GNG2: variants seen among roughly 807,000 people sequenced by gnomAD.
The protein encoded by GNG2 is guanine nucleotide-binding protein G(I)/G(S)/G(O) subunit gamma-2.
GNG2 carries 5 observed loss-of-function variants against 5.5 expected under a neutral mutation model. The ratio of observed to expected loss-of-function variants is 0.91; its 90% CI spans 0.48 to 1.92. The LOEUF (loss-of-function observed/expected upper bound fraction) is 1.92. Among genes scored for constraint, GNG2 ranks in the 30% most tolerant of loss-of-function variants. The pLI, the probability that GNG2 is intolerant of heterozygous loss-of-function variation, is 0.01. For missense variants in GNG2, 55 were observed against 88.4 expected, an observed-to-expected ratio of 0.62 and a Z score of 1.52; for synonymous variants, 28 against 32.0, an observed-to-expected ratio of 0.88 and a Z score of 0.42.
chr14:51,919,316 A>C (rs1030453101), intron 2 of GNG2, among the ~76,000 whole-genome samples: 4 of 152,226 alleles, frequency 2.6e-5, no homozygotes, highest in Admixed American at 1.3e-4. Context: ...TTAATGCAAT[A>C]ATGTGAAAAC....
intron 1 of GNG2, among the ~76,000 whole-genome samples, chr14:51,862,626 A>T (rs958058620): frequency 6.6e-6 from 1 of 152,278 alleles, no homozygotes; most frequent in African/African-American, 2.4e-5. Context: ...AATCTGCATT[A>T]GTCTTCTGTG....
At chr14:51,902,684 G>A (rs1885644832) in intron 2 of GNG2, among the ~76,000 whole-genome samples, 1 of 152,154 alleles carries the variant, frequency 6.6e-6, no homozygotes, top group African/African-American at 2.4e-5. Context: ...TTGAATCCAA[G>A]AGTTCAAGAC....
chr14:51,959,023 C>T (rs959393784), intron 3 of GNG2, among the ~76,000 whole-genome samples: 1 of 152,164 alleles, frequency 6.6e-6, no homozygotes, highest in Non-Finnish European at 1.5e-5. Context: ...ATTGATGACT[C>T]ATTGTGCCTT....
chr14:51,959,626 A>G (rs574731959), intron 3 of GNG2, among the ~76,000 whole-genome samples: 1 of 152,272 alleles, frequency 6.6e-6, no homozygotes, highest in South Asian at 2.1e-4. Context: ...CTTGACTCCC[A>G]TAGAGTACTG....
At chr14:51,896,704 A>AT (rs1293268027) in intron 2 of GNG2, among the ~76,000 whole-genome samples, 1 of 152,210 alleles carries the variant, frequency 6.6e-6, no homozygotes, top group East Asian at 1.9e-4. Flanking sequence ...AAGGTGCTTA[A>AT]TTAATAACTA....
intron 1 of GNG2, among the ~76,000 whole-genome samples, chr14:51,875,757 A>G (rs1883613054): frequency 6.6e-6 from 1 of 150,752 alleles, no homozygotes; most frequent in African/African-American, 2.4e-5. Context: ...TTGAGTTCAC[A>G]CTATATATAA....
chr14:51,856,253 C>A (rs1352507885), upstream of GNG2, among the ~76,000 whole-genome samples: 1 of 151,758 alleles, frequency 6.6e-6, no homozygotes, highest in Non-Finnish European at 1.5e-5. Context: ...TACAGCATTG[C>A]AGAGAGATTA....
At chr14:51,868,907 G>A (rs1020771787) in intron 1 of GNG2, among the ~76,000 whole-genome samples, 8 of 152,106 alleles carry the variant, frequency 5.3e-5, no homozygotes, top group African/African-American at 1.9e-4. Flanking sequence ...TCTCTACACT[G>A]CAATCAGCAC....
intron 2 of GNG2, among the ~76,000 whole-genome samples, chr14:51,887,347 T>G (rs536791220): frequency 6.6e-6 from 1 of 152,244 alleles, no homozygotes; most frequent in East Asian, 1.9e-4. Flanking sequence ...GAGTGGCCAA[T>G]TTTTGGTGTT....
chr14:51,900,488 G>A (rs1003941593), intron 2 of GNG2, among the ~76,000 whole-genome samples: 19 of 150,862 alleles, frequency 1.3e-4, no homozygotes, highest in African/African-American at 3.9e-4. Flanking sequence ...GTCCCACAGG[G>A]CAATAAAACC....
At chr14:51,849,771 T>C (rs1367067169) in intron 2 of GNG2, among the ~76,000 whole-genome samples, 1 of 151,916 alleles carries the variant, frequency 6.6e-6, no homozygotes, top group African/African-American at 2.4e-5. Context: ...TTCAAATGTA[T>C]AAATTATACC....
intron 2 of GNG2, among the ~76,000 whole-genome samples, chr14:51,855,335 ACT>A (rs1882106624): frequency 6.6e-6 from 1 of 151,998 alleles, no homozygotes; most frequent in Non-Finnish European, 1.5e-5. Flanking sequence ...AAGGCCAGGC[ACT>A]CTCTCTCCAG....
chr14:51,830,857 G>A (rs1286032446), intron 2 of GNG2, among the ~76,000 whole-genome samples: 1 of 152,112 alleles, frequency 6.6e-6, no homozygotes, highest in Non-Finnish European at 1.5e-5. Flanking sequence ...CTCCTCTAAA[G>A]TCCTCCAAAA....
intron 2 of GNG2, among the ~76,000 whole-genome samples, chr14:51,848,746 G>A (rs921086118): frequency 2.6e-5 from 4 of 152,194 alleles, no homozygotes; most frequent in South Asian, 4.1e-4. Context: ...ACCTAGGCTC[G>A]AATGGGCTAG....
chr14:51,844,242 A>T (rs1057261681), intron 2 of GNG2, among the ~76,000 whole-genome samples: 2 of 152,172 alleles, frequency 1.3e-5, no homozygotes, highest in Non-Finnish European at 2.9e-5. Flanking sequence ...TCCCCTTAAC[A>T]ATATTTGATT....
chr14:51,918,120 A>G (rs1886768904), intron 2 of GNG2, among the ~76,000 whole-genome samples: 1 of 152,162 alleles, frequency 6.6e-6, no homozygotes, highest in African/African-American at 2.4e-5. Context: ...ATAAACCAGA[A>G]GCAACAGGGG....
intron 2 of GNG2, among the ~76,000 whole-genome samples, chr14:51,853,008 C>T (rs1436275731): frequency 2.0e-5 from 3 of 152,104 alleles, no homozygotes; most frequent in African/African-American, 7.2e-5. Context: ...TATCACATTT[C>T]CCCCCTTGCT....
chr14:51,906,110 C>A (rs1441895076), intron 2 of GNG2, among the ~76,000 whole-genome samples: 3 of 152,228 alleles, frequency 2.0e-5, no homozygotes, highest in South Asian at 2.1e-4. Context: ...GGGACTATTG[C>A]TATCACTTTA....
intron 2 of GNG2, among the ~76,000 whole-genome samples, chr14:51,886,785 A>T (rs1006513317): frequency 2.6e-5 from 4 of 152,190 alleles, no homozygotes; most frequent in Non-Finnish European, 4.4e-5. Context: ...TCGCCTGCTC[A>T]TGCTCCTCAT....
Sources: gnomAD v4.1 joint callset for allele counts (sites outside exome capture counted in the v4.1 genomes callset) on GRCh38, gnomAD v4.1.1 for gene constraint, MANE v1.5 for transcripts, NCBI Gene and HGNC (gene_info 2026-07-23, HGNC 2026-07-21) for gene names.